ASIC2: variants seen among roughly 807,000 people sequenced by gnomAD.
ASIC2 encodes acid-sensing ion channel 2.
In ASIC2, 25 loss-of-function variants were observed where a neutral mutation model predicts 57.3. The observed-to-expected ratio is 0.44, with a 90% CI of 0.32 to 0.61. ASIC2 has a LOEUF of 0.61. Ranked by LOEUF, ASIC2 falls within the 20% of genes least tolerant of loss-of-function variation. ASIC2 has a pLI of 0.06. For synonymous variants in ASIC2, 319 were observed against 307.5 expected, an observed-to-expected ratio of 1.04 and a Z score of -0.39; for missense variants, 641 against 738.1, an observed-to-expected ratio of 0.87 and a Z score of 1.52.
At chr17:33,363,764 A>T (rs554704022) in intron 1 of ASIC2, among the ~76,000 whole-genome samples, 22 of 152,248 alleles carry the variant, frequency 1.4e-4, no homozygotes, top group African/African-American at 5.3e-4. Flanking sequence ...CTCTAAGGTG[A>T]TCTATGGCTC....
At chr17:33,323,992 A>G (rs1477468868) in intron 1 of ASIC2, among the ~76,000 whole-genome samples, 1 of 152,198 alleles carries the variant, frequency 6.6e-6, no homozygotes, top group Non-Finnish European at 1.5e-5. Flanking sequence ...TCTCTTACAT[A>G]TATATTATAC....
At chr17:34,020,411 G>A (rs1462318648) in intron 1 of ASIC2, among the ~76,000 whole-genome samples, 1 of 152,184 alleles carries the variant, frequency 6.6e-6, no homozygotes, top group Non-Finnish European at 1.5e-5. Context: ...GTATGGCTGA[G>A]TTGGGCTCTG....
chr17:33,811,539 G>A (rs1341476526), intron 1 of ASIC2, among the ~76,000 whole-genome samples: 2 of 152,152 alleles, frequency 1.3e-5, no homozygotes, highest in African/African-American at 2.4e-5. Flanking sequence ...CTTGCTACTC[G>A]TGATGTTTCT....
intron 1 of ASIC2, among the ~76,000 whole-genome samples, chr17:33,884,702 A>G (rs1914785750): frequency 1.3e-5 from 2 of 151,936 alleles, no homozygotes; most frequent in Non-Finnish European, 2.9e-5. Flanking sequence ...CACAACATTC[A>G]GATACCCCCC....
At chr17:33,611,041 C>A (rs1232329964) in intron 1 of ASIC2, among the ~76,000 whole-genome samples, 1 of 152,212 alleles carries the variant, frequency 6.6e-6, no homozygotes, top group African/African-American at 2.4e-5. Context: ...GGTGGCTGAG[C>A]AGGAACTCAC....
intron 1 of ASIC2, among the ~76,000 whole-genome samples, chr17:33,601,682 T>C (rs111984235): frequency 5.3e-5 from 8 of 152,292 alleles, no homozygotes; most frequent in African/African-American, 1.9e-4. Context: ...GTCATGGGCA[T>C]GGGGTACCCA....
At chr17:33,746,109 T>C (rs956171218) in intron 1 of ASIC2, among the ~76,000 whole-genome samples, 2 of 151,458 alleles carry the variant, frequency 1.3e-5, no homozygotes, top group Non-Finnish European at 2.9e-5. Flanking sequence ...CAGAAACAAG[T>C]GGAAATTCTG....
intron 1 of ASIC2, among the ~76,000 whole-genome samples, chr17:33,765,826 G>T (rs939710925): frequency 6.6e-6 from 1 of 152,204 alleles, no homozygotes; most frequent in South Asian, 2.1e-4. Context: ...AGGCACATTC[G>T]TGAGGTCTTT....
intron 1 of ASIC2, among the ~76,000 whole-genome samples, chr17:33,705,964 T>C (rs989957): frequency 0.35 from 53,051 of 151,900 alleles, 10,877 homozygotes; most frequent in African/African-American, 0.58. Flanking sequence ...GAAATTTTCT[T>C]GATATTTCCT....
At chr17:34,095,607 T>A (rs866713193) in intron 1 of ASIC2, among the ~76,000 whole-genome samples, 32 of 96,146 alleles carry the variant, frequency 3.3e-4, no homozygotes, top group African/African-American at 3.4e-4. Flanking sequence ...CAGGCAAATT[T>A]TATATATATA....
chr17:33,359,065 C>T (rs1908497565), intron 1 of ASIC2, among the ~76,000 whole-genome samples: 2 of 152,120 alleles, frequency 1.3e-5, no homozygotes, highest in South Asian at 2.1e-4. Context: ...AAAGAAGGTT[C>T]GGAACTCCCT....
chr17:33,750,291 T>C (rs929872499), intron 1 of ASIC2, among the ~76,000 whole-genome samples: 1 of 152,182 alleles, frequency 6.6e-6, no homozygotes, highest in Non-Finnish European at 1.5e-5. Context: ...TCCTGGACTT[T>C]GGTTCCTCAT....
intron 3 of ASIC2, among the ~76,000 whole-genome samples, chr17:33,043,069 G>A (rs182985356): frequency 1.3e-5 from 2 of 152,242 alleles, no homozygotes; most frequent in East Asian, 3.9e-4. Context: ...TGGGACTACA[G>A]GCGCCTGCCA....
At position 34,083,268 on chromosome 17, in the gene ASIC2, C is replaced by A. The variant is rs1454488822; in HGVS notation, c.555+72710G>T. Among the ~76,000 whole-genome samples, 5 of 150,130 alleles carry A rather than the reference C, an allele frequency of 3.3e-5. No homozygotes were observed. The South Asian group carries it at 8.5e-4, about 25-fold the overall frequency. On this transcript the variant is annotated intron_variant, in intron 1 of 9. Transcript: ENST00000359872. Reference sequence around the variant, plus strand: ...ATTCCCACCTATGAGTGAGAATATGCGGTGTTTGGTTTTTTGTTCTTGCGA... The same window carrying A: ...ATTCCCACCTATGAGTGAGAATATGAGGTGTTTGGTTTTTTGTTCTTGCGA...
chr17:33,350,828 G>GA (rs924381354), intron 1 of ASIC2, among the ~76,000 whole-genome samples: 65 of 150,110 alleles, frequency 4.3e-4, no homozygotes, highest in Middle Eastern at 3.4e-3. Flanking sequence ...TGCAAAAAAA[G>GA]AAAAAAAAAG....
intron 1 of ASIC2, among the ~76,000 whole-genome samples, chr17:34,033,144 C>A (rs1286641783): frequency 2.0e-5 from 3 of 152,082 alleles, no homozygotes; most frequent in Non-Finnish European, 2.9e-5. Flanking sequence ...TGTAAAAGAA[C>A]AGAAATTATA....
intron 1 of ASIC2, among the ~76,000 whole-genome samples, chr17:33,436,726 C>A (rs1911621470): frequency 6.6e-6 from 1 of 152,086 alleles, no homozygotes; most frequent in Admixed American, 6.5e-5. Flanking sequence ...TACCGCAATA[C>A]CACAGTCTCA....
At chr17:33,173,320 C>T (rs536266054) in intron 1 of ASIC2, among the ~76,000 whole-genome samples, 1 of 152,248 alleles carries the variant, frequency 6.6e-6, no homozygotes, top group African/African-American at 2.4e-5. Flanking sequence ...GTGTATGGAA[C>T]AGCACAGCCT....
intron 1 of ASIC2, among the ~76,000 whole-genome samples, chr17:33,803,471 G>A (rs1399418565): frequency 4.6e-5 from 7 of 151,984 alleles, no homozygotes; most frequent in African/African-American, 1.5e-4. Flanking sequence ...TGTACCCCAG[G>A]GCATGGCAGT....
Sources: allele counts gnomAD v4.1 joint callset (sites outside exome capture counted in the v4.1 genomes callset), GRCh38; gene constraint gnomAD v4.1.1; transcripts MANE v1.5; gene names NCBI Gene and HGNC (gene_info 2026-07-23, HGNC 2026-07-21).